The following CACNG2 variants were observed in gnomAD, a reference collection of about 807,000 sequenced individuals.
CACNG2 encodes voltage-dependent calcium channel gamma-2 subunit.
Under a neutral mutation model 25.9 loss-of-function variants are expected in CACNG2, and 3 were observed. That is an observed-to-expected ratio of 0.12 (90% confidence interval 0.05 to 0.30). CACNG2 has a LOEUF of 0.30. Among genes scored for constraint, CACNG2 ranks in the 10% least tolerant of loss-of-function variants. The probability of loss-of-function intolerance (pLI) is 1.00; values close to 1 mark genes in which losing one functional copy is unlikely to be tolerated. For missense variants in CACNG2, 341 were observed against 432.5 expected, an observed-to-expected ratio of 0.79 and a Z score of 1.88; for synonymous variants, 167 against 173.3, an observed-to-expected ratio of 0.96 and a Z score of 0.29.
At chr22:36,569,715 T>G (rs1485784326) in intron 2 of CACNG2, among the ~76,000 whole-genome samples, 1 of 152,194 alleles carries the variant, frequency 6.6e-6, no homozygotes, top group Non-Finnish European at 1.5e-5. Context: ...AATTTTTGTA[T>G]TTTTAGTAGA....
intron 2 of CACNG2, among the ~76,000 whole-genome samples, chr22:36,583,055 T>A (rs1322880310): frequency 6.6e-6 from 1 of 152,088 alleles, no homozygotes; most frequent in Non-Finnish European, 1.5e-5. Context: ...GTCCAGTTCC[T>A]CATGCTGCAG....
intron 1 of CACNG2, among the ~76,000 whole-genome samples, chr22:36,694,978 G>C (rs1937316670): frequency 6.6e-6 from 1 of 152,178 alleles, no homozygotes; most frequent in Non-Finnish European, 1.5e-5. Context: ...CACTTTGGGA[G>C]GCTCAGGTCA....
chr22:36,601,550 A>G (rs1935753975), intron 1 of CACNG2, among the ~76,000 whole-genome samples: 1 of 151,866 alleles, frequency 6.6e-6, no homozygotes, highest in Non-Finnish European at 1.5e-5. Context: ...CTGGAGTGCA[A>G]TGGCACACTC....
intron 1 of CACNG2, among the ~76,000 whole-genome samples, chr22:36,668,530 C>G (rs547480344): frequency 3.3e-5 from 5 of 151,734 alleles, no homozygotes; most frequent in Non-Finnish European, 7.4e-5. Flanking sequence ...GCTCTGTTGC[C>G]CAGGCTGGGG....
intron 1 of CACNG2, among the ~76,000 whole-genome samples, chr22:36,609,197 G>A (rs574095043): frequency 2.7e-4 from 41 of 149,666 alleles, no homozygotes; most frequent in Non-Finnish European, 3.0e-4. Context: ...GAGCGTGATC[G>A]GGCAGGAATC....
intron 1 of CACNG2, among the ~76,000 whole-genome samples, chr22:36,652,654 A>T (rs2145976416): frequency 1.3e-5 from 2 of 151,768 alleles, no homozygotes; most frequent in African/African-American, 4.8e-5. Flanking sequence ...TTGCTGGATG[A>T]CTCTTTTGCC....
intron 1 of CACNG2, among the ~76,000 whole-genome samples, chr22:36,607,368 A>G (rs375813882): frequency 6.4e-4 from 97 of 152,150 alleles, no homozygotes; most frequent in African/African-American, 2.2e-3. Context: ...TGATCCTCCC[A>G]TCTCAGCCTC....
chr22:36,642,657 C>G (rs1313830221), intron 1 of CACNG2, among the ~76,000 whole-genome samples: 1 of 152,220 alleles, frequency 6.6e-6, no homozygotes, highest in African/African-American at 2.4e-5. Flanking sequence ...TAACCAGTCT[C>G]CTGCCCTGCA....
At chr22:36,623,252 C>T (rs1275303902) in intron 1 of CACNG2, among the ~76,000 whole-genome samples, 2 of 151,838 alleles carry the variant, frequency 1.3e-5, no homozygotes, top group African/African-American at 4.8e-5. Context: ...AACTCCTGAC[C>T]TCAAGTGATC....
intron 1 of CACNG2, among the ~76,000 whole-genome samples, chr22:36,651,745 G>A (rs969473685): frequency 7.9e-5 from 12 of 152,182 alleles, no homozygotes; most frequent in African/African-American, 2.7e-4. Context: ...GCACATGCTA[G>A]ATGCCCAGTC....
intron 2 of CACNG2, among the ~76,000 whole-genome samples, chr22:36,573,340 TA>T (rs747072783): frequency 5.4e-4 from 82 of 152,184 alleles, no homozygotes; most frequent in Non-Finnish European, 1.0e-3. Flanking sequence ...TTATTATTAT[TA>T]TTTTTTTGAG....
intron 1 of CACNG2, among the ~76,000 whole-genome samples, chr22:36,693,480 T>A (rs7286480): frequency 0.57 from 86,365 of 151,952 alleles, 27,078 homozygotes; most frequent in East Asian, 0.77. Context: ...CCACTCCTCA[T>A]CCCATCCATT....
At chr22:36,633,362 T>C (rs1335622827) in intron 1 of CACNG2, among the ~76,000 whole-genome samples, 1 of 152,218 alleles carries the variant, frequency 6.6e-6, no homozygotes, top group Non-Finnish European at 1.5e-5. Context: ...AATGTCATTA[T>C]TTTTCCCAAT....
intron 3 of CACNG2, among the ~76,000 whole-genome samples, chr22:36,565,986 G>T (rs1044574300): frequency 6.6e-6 from 1 of 152,236 alleles, no homozygotes; most frequent in Non-Finnish European, 1.5e-5. Context: ...ATCCCATAGG[G>T]GTTGGAACAG....
intron 1 of CACNG2, among the ~76,000 whole-genome samples, chr22:36,692,577 C>T (rs1482905724): frequency 6.6e-6 from 1 of 152,196 alleles, no homozygotes; most frequent in Admixed American, 6.5e-5. Context: ...TTCAGCCAAG[C>T]TTAGGAGAAA....
chr22:36,590,288 G>C (rs566267634), intron 1 of CACNG2, among the ~76,000 whole-genome samples: 2 of 152,156 alleles, frequency 1.3e-5, no homozygotes, highest in Non-Finnish European at 2.9e-5. Context: ...ATAATCAGTG[G>C]CCCAGACCTC....
At chr22:36,600,369 T>C (rs1047555515) in intron 1 of CACNG2, among the ~76,000 whole-genome samples, 4 of 151,518 alleles carry the variant, frequency 2.6e-5, no homozygotes, top group African/African-American at 7.3e-5. Flanking sequence ...CCTGCCTCAG[T>C]CTCCTGAGTA....
At chr22:36,654,089 T>A (rs1936668319) in intron 1 of CACNG2, among the ~76,000 whole-genome samples, 1 of 151,862 alleles carries the variant, frequency 6.6e-6, no homozygotes, top group African/African-American at 2.4e-5. Flanking sequence ...GGAACACAGC[T>A]TTCCTACATG....
intron 2 of CACNG2, among the ~76,000 whole-genome samples, chr22:36,582,945 A>G (rs2145919030): frequency 6.6e-6 from 1 of 152,150 alleles, no homozygotes; most frequent in South Asian, 2.1e-4. Flanking sequence ...GCTCACACTT[A>G]CAAGTGAAGG....
Sources: allele counts gnomAD v4.1 joint callset (sites outside exome capture counted in the v4.1 genomes callset), GRCh38; gene constraint gnomAD v4.1.1; transcripts MANE v1.5; gene names NCBI Gene and HGNC (gene_info 2026-07-23, HGNC 2026-07-21).